Variants in PCDH11X observed in about 807,000 individuals in gnomAD.
PCDH11X encodes protocadherin 11 X-linked, also known as protocadherin-11 X-linked.
PCDH11X carries 18 observed loss-of-function variants against 53.3 expected under a neutral mutation model. That is an observed-to-expected ratio of 0.34 (90% confidence interval 0.23 to 0.50). The LOEUF is 0.50. PCDH11X is among the 20% of genes least tolerant of loss of function. The pLI is 0.98. For synonymous variants in PCDH11X, 279 were observed against 393.3 expected, an observed-to-expected ratio of 0.71 and a Z score of 3.44; for missense variants, 570 against 1,032.4, an observed-to-expected ratio of 0.55 and a Z score of 6.14.
At chrX:92,224,424 T>C (rs2066934135) in intron 7 of PCDH11X, among the ~76,000 whole-genome samples, 1 of 112,018 alleles carries the variant, frequency 8.9e-6, no homozygotes. Context: ...AAATTAAATT[T>C]GGCCTGAGGA....
chrX:91,991,850 C>T (rs1415423929), intron 6 of PCDH11X, among the ~76,000 whole-genome samples: 16 of 109,167 alleles, frequency 1.5e-4, no homozygotes, highest in Admixed American at 3.9e-4. Context: ...GAAATTTCCT[C>T]TGTTTGACCT....
At chrX:92,021,875 T>TA (rs978649577) in intron 6 of PCDH11X, among the ~76,000 whole-genome samples, 3 of 107,839 alleles carry the variant, frequency 2.8e-5, no homozygotes, top group Non-Finnish European at 3.8e-5. Context: ...TCAACATTCT[T>TA]AAAAAAAAGC....
chrX:92,295,601 C>A (rs2068589067), intron 8 of PCDH11X, among the ~76,000 whole-genome samples: 1 of 109,643 alleles, frequency 9.1e-6, no homozygotes, highest in Admixed American at 9.8e-5. Context: ...GAGAAAGCAC[C>A]CAATCTTTCA....
chrX:91,837,056 A>G (rs1937328786), intron 5 of PCDH11X, among the ~76,000 whole-genome samples: 1 of 106,768 alleles, frequency 9.4e-6, no homozygotes, highest in South Asian at 4.2e-4. Flanking sequence ...ACTATGATCT[A>G]TATAATAACT....
intron 6 of PCDH11X, among the ~76,000 whole-genome samples, chrX:92,179,052 T>C: frequency 8.9e-6 from 1 of 111,885 alleles, no homozygotes; most frequent in Middle Eastern, 4.7e-3. Flanking sequence ...TTGAGATCAC[T>C]AGTTTTCTAA....
intron 10 of PCDH11X, among the ~76,000 whole-genome samples, chrX:92,531,557 A>C (rs1235030614): frequency 2.7e-5 from 3 of 110,352 alleles, no homozygotes; most frequent in Non-Finnish European, 5.7e-5. Context: ...AAAAATTGAC[A>C]TATGAAGTTT....
chrX:92,069,658 T>C (rs769604921), intron 6 of PCDH11X, among the ~76,000 whole-genome samples: 1 of 111,415 alleles, frequency 9.0e-6, no homozygotes, highest in East Asian at 2.8e-4. Context: ...GAGATTACCA[T>C]GAGGCTTGCA....
At chrX:92,452,810 T>C (rs2072827413) in intron 9 of PCDH11X, among the ~76,000 whole-genome samples, 1 of 89,220 alleles carries the variant, frequency 1.1e-5, no homozygotes, top group Non-Finnish European at 2.1e-5. Context: ...TTATATATTA[T>C]ATAATATTAA....
At position 92,562,517 on chromosome X, in the gene PCDH11X, C is replaced by CT. The variant is rs888120242; in HGVS notation, c.3368-55737dup. The stretch of plus-strand genomic sequence containing the variant: ...TGCTTGAGTTTCTCTCCTGAAAAAG[C>CT]TTTTTTTTTTCTCTGTGATATGGCC... On this transcript the variant is annotated intron_variant, in intron 10 of 10. Coordinates refer to ENST00000682573, the MANE Select transcript of PCDH11X (RefSeq NM_032968.5). 6.7e-4 allele frequency among the ~76,000 whole-genome samples: 68 copies of CT among 101,161 alleles called. No individual in the cohort carries two copies. In the Middle Eastern group the frequency reaches 0.02, roughly 30 times the overall value. 87.8% of individuals were successfully genotyped at this position (101,161 alleles called of 115,157 possible). A position where few individuals can be genotyped will look rare whatever the true frequency, so the allele number is the denominator to read the frequency against.
At chrX:92,178,490 G>A (rs1466244728) in intron 6 of PCDH11X, among the ~76,000 whole-genome samples, 1 of 111,950 alleles carries the variant, frequency 8.9e-6, no homozygotes, top group East Asian at 2.8e-4. Flanking sequence ...ATTTTTGAAA[G>A]TGGTAAAATA....
chrX:92,565,593 A>C, intron 10 of PCDH11X, among the ~76,000 whole-genome samples: 1 of 92,189 alleles, frequency 1.1e-5, no homozygotes, highest in African/African-American at 3.9e-5. Flanking sequence ...CAAAACAATT[A>C]AGTTTATAGA....
intron 8 of PCDH11X, among the ~76,000 whole-genome samples, chrX:92,343,707 C>T (rs1355804902): frequency 9.0e-6 from 1 of 111,096 alleles, no homozygotes; most frequent in Non-Finnish European, 1.9e-5. Context: ...TTAGCAATAA[C>T]GTTTAAAAAT....
rs972736262 is a variant in PCDH11X, at chrX:92,041,612, A to G, written c.3034-159763A>G. Among the ~76,000 whole-genome samples the G allele has an allele frequency of 8.0e-5, 9 of 112,267 alleles. No homozygotes were observed. In the Admixed American group the frequency reaches 8.5e-4, roughly 11 times the overall value. On this transcript the variant is annotated intron_variant, in intron 6 of 10. Coordinates refer to ENST00000682573, the MANE Select transcript of PCDH11X (RefSeq NM_032968.5). ...TCCTTGAACTTCTATTGATTTTAATACACCATGTATATATTTAGCAGGTGC... is the reference window on the plus strand; with the variant it reads ...TCCTTGAACTTCTATTGATTTTAATGCACCATGTATATATTTAGCAGGTGC...
chrX:92,436,989 AAAG>A (rs1190223328), intron 9 of PCDH11X, among the ~76,000 whole-genome samples: 3 of 109,210 alleles, frequency 2.7e-5, no homozygotes, highest in African/African-American at 1.0e-4. Context: ...AAAAAAAAAA[AAAG>A]AATGTAATTT....
chrX:91,820,392 T>C (rs1268869002), intron 4 of PCDH11X, among the ~76,000 whole-genome samples: 2 of 85,576 alleles, frequency 2.3e-5, no homozygotes, highest in African/African-American at 1.2e-4. Flanking sequence ...TATCTCATTG[T>C]GGTTTTGATT....
At chrX:92,312,346 A>T (rs188894238) in intron 8 of PCDH11X, among the ~76,000 whole-genome samples, 24 of 111,262 alleles carry the variant, frequency 2.2e-4, no homozygotes, top group Non-Finnish European at 3.6e-4. Context: ...GGAGGGATTT[A>T]GTATGTAGTA....
intron 8 of PCDH11X, among the ~76,000 whole-genome samples, chrX:92,342,457 C>T (rs1461115839): frequency 9.0e-6 from 1 of 111,456 alleles, no homozygotes; most frequent in Admixed American, 9.6e-5. Context: ...AACCGAGATG[C>T]CCATAAACAG....
intron 6 of PCDH11X, among the ~76,000 whole-genome samples, chrX:92,128,673 A>C (rs982223025): frequency 9.0e-6 from 1 of 110,690 alleles, no homozygotes; most frequent in African/African-American, 3.3e-5. Flanking sequence ...TGCTGGGATT[A>C]CAGGTGTCAG....
At chrX:91,821,184 T>A (rs1268566329) in intron 4 of PCDH11X, among the ~76,000 whole-genome samples, 12 of 109,181 alleles carry the variant, frequency 1.1e-4, no homozygotes, top group African/African-American at 2.8e-4. Flanking sequence ...ATGAACTTTA[T>A]AGTAGTTTTT....
Sources: gnomAD v4.1 joint callset for allele counts (sites outside exome capture counted in the v4.1 genomes callset) on GRCh38, gnomAD v4.1.1 for gene constraint, MANE v1.5 for transcripts, NCBI Gene and HGNC (gene_info 2026-07-23, HGNC 2026-07-21) for gene names.